Variants in ST6GALNAC6 observed in about 807,000 individuals in gnomAD.
ST6GALNAC6 encodes the protein ST6 N-acetylgalactosaminide alpha-2,6-sialyltransferase 6.
Under a neutral mutation model 34.3 loss-of-function variants are expected in ST6GALNAC6, and 19 were observed. The ratio of observed to expected loss-of-function variants is 0.55; its 90% CI spans 0.39 to 0.81. The LOEUF (loss-of-function observed/expected upper bound fraction) is 0.81. Among genes scored for constraint, ST6GALNAC6 ranks in the 40% least tolerant of loss-of-function variants. The pLI, the probability that ST6GALNAC6 is intolerant of heterozygous loss-of-function variation, is 0.00. For missense variants in ST6GALNAC6, 377 were observed against 467.7 expected (o/e 0.81, Z 1.79); for synonymous variants, 185 against 182.1 (o/e 1.02, Z -0.13).
upstream of ST6GALNAC6, among the ~76,000 whole-genome samples, chr9:127,902,138 A>C (rs1830778774): frequency 6.6e-6 from 1 of 152,162 alleles, no homozygotes; most frequent in South Asian, 2.1e-4. Flanking sequence ...CCTTTTGCCT[A>C]TCACGGTGAT....
upstream of ST6GALNAC6, among the ~76,000 whole-genome samples, chr9:127,906,608 G>A (rs1368099395): frequency 6.6e-6 from 1 of 152,190 alleles, no homozygotes; most frequent in African/African-American, 2.4e-5. Flanking sequence ...GTCCTCCTCT[G>A]AGGATGGCAA....
chr9:127,898,035 C>T lies in ST6GALNAC6; in HGVS notation c.-29-25G>A, dbSNP rs191749392. Reference sequence around the variant, plus strand: ...TCTGTGAAATGGGAACAATAAGAGTCGGTAACTCAAGGGGTTGTTGGAAGG... The same window carrying T: ...TCTGTGAAATGGGAACAATAAGAGTTGGTAACTCAAGGGGTTGTTGGAAGG... On this transcript the variant is annotated intron_variant, in intron 1 of 6. Transcript: ENST00000373146. The T allele has an allele frequency of 1.5e-5, 17 of 1,140,914 alleles. No individual in the cohort carries two copies. In the East Asian group the frequency reaches 3.8e-4, roughly 25 times the overall value. 70.7% of individuals were successfully genotyped at this position (1,140,914 alleles called of 1,614,324 possible).
chr9:127,892,561 A>AC (rs766059487), intron 4 of ST6GALNAC6, among the ~76,000 whole-genome samples: 10 of 151,620 alleles, frequency 6.6e-5, no homozygotes, highest in South Asian at 2.1e-4. Context: ...TGATTGTCTC[A>AC]CCCCCCGCAC....
In ST6GALNAC6 at chr9:127,886,178, C is replaced by T. The variant is rs193181471; in HGVS notation, c.*421G>A. On this transcript the variant is annotated 3_prime_UTR_variant, in exon 7 of 7. Transcript: ENST00000373146. ...CCCCACACAATCTCTCTTTCTGGTG[C>T]TGGAAATTGAGGGGGCAACACCAAG... 6.2e-4 allele frequency: 167 copies of T among 270,620 alleles called. 4 individuals carry two copies. In the East Asian group the frequency reaches 0.01, roughly 17 times the overall value. 16.8% of individuals were successfully genotyped at this position (270,620 alleles called of 1,614,324 possible).
intron 2 of ST6GALNAC6, chr9:127,897,093 G>C (rs1588655511): frequency 1.1e-6 from 1 of 901,214 alleles, no homozygotes; most frequent in African/African-American, 1.8e-5. Context: ...GGGTGGCTGG[G>C]GGGGCCTTTG....
At chr9:127,895,688 C>A (rs1050525669) in intron 3 of ST6GALNAC6, among the ~76,000 whole-genome samples, 1 of 152,168 alleles carries the variant, frequency 6.6e-6, no homozygotes, top group Non-Finnish European at 1.5e-5. Flanking sequence ...TGTGTAGTTT[C>A]TTTTTCCTGA....
chr9:127,897,918 T>G, intron 2 of ST6GALNAC6, 38 bp downstream of exon 2: 2 of 1,613,608 alleles, frequency 1.2e-6, no homozygotes, highest in Non-Finnish European at 1.7e-6. Context: ...CAGTACAGCA[T>G]GTCAGCTGCC....
At chr9:127,891,926 C>T (rs368277098) in intron 4 of ST6GALNAC6, among the ~76,000 whole-genome samples, 45 of 151,898 alleles carry the variant, frequency 3.0e-4, no homozygotes, top group African/African-American at 8.9e-4. Flanking sequence ...CTGAGGTGGG[C>T]GGATCACCTG....
chr9:127,899,561 A>G lies in ST6GALNAC6; in HGVS notation c.-88T>C, dbSNP rs1830672282. 2.0e-6 allele frequency: 2 copies of G among 980,618 alleles called. No individual in the cohort carries two copies. Among genetic ancestry groups the G allele is most frequent in the African/African-American group, 3.5e-5 (2 of 56,656 alleles). The allele number at this position is 980,618 out of a possible 1,614,324, so 60.7% of individuals were successfully genotyped here. On this transcript the variant is annotated 5_prime_UTR_variant, in exon 1 of 7. Coordinates refer to ENST00000373146, the MANE Select transcript of ST6GALNAC6 (RefSeq NM_013443.5). Reference sequence around the variant, plus strand: ...CCGAGCCCCCTCACATGGCGCCGGGAGCCGAGCGCCGGGGTCCGCGCTCCT... The same window carrying G: ...CCGAGCCCCCTCACATGGCGCCGGGGGCCGAGCGCCGGGGTCCGCGCTCCT...
intron 4 of ST6GALNAC6, 104 bp downstream of exon 4, chr9:127,894,408 C>A (rs975348792): frequency 7.2e-7 from 1 of 1,398,414 alleles, no homozygotes; most frequent in Middle Eastern, 2.6e-4. Context: ...TCACCGGAGG[C>A]AGGGCCTTGA....
At chr9:127,887,661 CCACG>C in intron 5 of ST6GALNAC6, 70 bp from the exon 6 acceptor site, 5 of 1,295,948 alleles carry the variant, frequency 3.9e-6, no homozygotes, top group Non-Finnish European at 5.5e-6. Context: ...CCAGGGTCAC[CCACG>C]TGGAGTTCCC....
intron 2 of ST6GALNAC6, chr9:127,896,865 G>C (rs1370617992): frequency 2.0e-6 from 2 of 985,218 alleles, no homozygotes; most frequent in Middle Eastern, 5.2e-4. Context: ...GCTGCCTGCG[G>C]GATACAGCCC....
Position 127,890,523 on chromosome 9 carries a change from C to A in ST6GALNAC6, c.704+114G>T. On this transcript the variant is annotated intron_variant, in intron 5 of 6. Coordinates refer to ENST00000373146, the MANE Select transcript of ST6GALNAC6 (RefSeq NM_013443.5). The surrounding 1 kb of genome is among the most constrained non-coding windows in gnomAD (Gnocchi z 4.3). The stretch of plus-strand genomic sequence containing the variant: ...CCTAGGAGGCCCAACCAGAGGACGG[C>A]GGGACTTGACTACCCCTCAGAGCAG... The A allele has an allele frequency of 1.4e-6, 2 of 1,473,718 alleles. No homozygotes were observed. Among genetic ancestry groups the A allele is most frequent in the South Asian group, 1.3e-5 (1 of 77,464 alleles). The allele number at this position is 1,473,718 out of a possible 1,614,324, so 91.3% of individuals were successfully genotyped here.
intron 1 of ST6GALNAC6, among the ~76,000 whole-genome samples, chr9:127,898,897 G>C (rs1564493697): frequency 6.6e-6 from 1 of 152,112 alleles, no homozygotes; most frequent in African/African-American, 2.4e-5. Flanking sequence ...GCTTGCTCAC[G>C]CTGGGGAGGC....
intron 2 of ST6GALNAC6, chr9:127,897,755 G>A: frequency 2.3e-6 from 3 of 1,324,928 alleles, no homozygotes; most frequent in Non-Finnish European, 2.0e-6. Flanking sequence ...CAGGGGTCCA[G>A]CCGCCTATAT....
intron 1 of ST6GALNAC6, among the ~76,000 whole-genome samples, chr9:127,899,077 G>A (rs73602391): frequency 0.053 from 8,074 of 152,250 alleles, 278 homozygotes; most frequent in South Asian, 0.096. Flanking sequence ...ACGAACCCGC[G>A]TGGGAGGAGG....
At chr9:127,891,774 AG>A (rs1564487295) in intron 4 of ST6GALNAC6, among the ~76,000 whole-genome samples, 3 of 57,542 alleles carry the variant, frequency 5.2e-5, no homozygotes, top group African/African-American at 1.4e-4. Context: ...GGGGACAGAG[AG>A]GGGGGAGAGG....
intron 1 of ST6GALNAC6, among the ~76,000 whole-genome samples, chr9:127,898,916 C>G (rs1379142649): frequency 2.6e-5 from 4 of 152,174 alleles, no homozygotes; most frequent in African/African-American, 9.7e-5. Context: ...GCGGCAGCCC[C>G]GAGCGCTGGG....
At chr9:127,899,641 C>T (rs1830678099), upstream of ST6GALNAC6, 3 of 983,470 alleles carry the variant, frequency 3.1e-6, no homozygotes, top group South Asian at 9.4e-5. Flanking sequence ...GCGCCGCCGT[C>T]ACGGCCCGGC....
Sources: allele counts gnomAD v4.1 joint callset (sites outside exome capture counted in the v4.1 genomes callset), GRCh38; gene constraint gnomAD v4.1.1; non-coding constraint Gnocchi (gnomAD v3.1); transcripts MANE v1.5; gene names NCBI Gene and HGNC (gene_info 2026-07-23, HGNC 2026-07-21).